BSN: variants seen among roughly 807,000 people sequenced by gnomAD.
BSN encodes the protein protein bassoon.
BSN carries 57 observed loss-of-function variants against 264.8 expected under a neutral mutation model. The ratio of observed to expected loss-of-function variants is 0.22; its 90% CI spans 0.17 to 0.27. The LOEUF is 0.27. Among genes scored for constraint, BSN ranks in the 10% least tolerant of loss-of-function variants. The probability of loss-of-function intolerance (pLI) is 1.00; values close to 1 mark genes in which losing one functional copy is unlikely to be tolerated. For synonymous variants in BSN, 2,059 were observed against 2,137.3 expected (o/e 0.96, Z 1.01); for missense variants, 4,615 against 5,232.5 (o/e 0.88, Z 3.64).
Position 49,661,876 on chromosome 3 carries a change from C to G in BSN, c.10031C>G (p.Pro3344Arg), listed in dbSNP as rs148768218. 6.2e-7 allele frequency: 1 copy of G among 1,613,552 alleles called. No homozygotes were observed. The highest frequency in any genetic ancestry group is 8.5e-7 in the Non-Finnish European group (1 of 1,180,046). ...YGPGPMGPKHPSKSLAPAAIS... is the reference protein window; with the variant it reads ...YGPGPMGPKHRSKSLAPAAIS... ...CCAGGGCCCATGGGGCCCAAGCATC[C>G]CTCCAAGAGCCTGGCTCCAGCTGCC... Residue 3344 changes from proline to arginine, a missense_variant, in exon 6 of 12, where the codon CCC becomes CGC. This residue lies in a region of BSN where 3,415 missense variants were observed against 3,866.4 expected (regional missense o/e 0.88). Transcript: ENST00000296452.
At position 49,664,511 on chromosome 3, in the gene BSN, C is replaced by T; in HGVS notation, c.11697C>T (p.Ile3899=). Residue 3899 remains isoleucine (I), a synonymous_variant, in exon 9 of 12, where the codon ATC becomes ATT. Coordinates refer to ENST00000296452, the MANE Select transcript of BSN (RefSeq NM_003458.4). ...GADGESVFSK[I]LPGGAAEQAG... ...ATGGGGAGAGCGTGTTCTCCAAGAT[C>T]CTCCCTGGCGGGGCAGCCGAGCAAG... is the stretch of plus-strand genomic sequence containing the variant. The T allele has an allele frequency of 6.2e-7, 1 of 1,612,042 alleles. No homozygotes were observed. Among genetic ancestry groups the T allele is most frequent in the South Asian group, 1.1e-5 (1 of 90,924 alleles).
intron 2 of BSN, among the ~76,000 whole-genome samples, chr3:49,634,330 T>C (rs2052405603): frequency 6.6e-6 from 1 of 152,204 alleles, no homozygotes; most frequent in African/African-American, 2.4e-5. Context: ...GCATTATGAA[T>C]ACAATACCAC....
rs1347312500 is a variant in BSN, at chr3:49,669,159, G to C, written c.*1674G>C. 6.6e-6 allele frequency: 1 copy of C among 152,560 alleles called. No individual in the cohort carries two copies. The highest frequency in any genetic ancestry group is 2.4e-5 in the African/African-American group (1 of 41,430). The allele number at this position is 152,560 out of a possible 1,614,324, so 9.5% of individuals were successfully genotyped here. ...GACCCTCTTGCTTGGAGTTCTTTTT[G>C]CCTCAGAACCTCTCCTTCAGGAGCA... On this transcript the variant is annotated 3_prime_UTR_variant, in exon 12 of 12. Transcript: ENST00000296452.
rs141750977 is a variant in BSN, at chr3:49,656,102, G to C, written c.6546G>C (p.Pro2182=). The change falls in exon 5 of 12, where the codon CCG becomes CCC. Residue 2182 remains proline, a synonymous_variant. Coordinates refer to ENST00000296452, the MANE Select transcript of BSN (RefSeq NM_003458.4). ...GAACAGCAGTCAGACAGCTGCTGCCGTCCACAGCCACTGTACGTGCAGCTG... is the reference window on the plus strand; with the variant it reads ...GAACAGCAGTCAGACAGCTGCTGCCCTCCACAGCCACTGTACGTGCAGCTG... ...GQGTAVRQLL[P]STATVRAADG... 6 of 1,612,188 alleles carry C rather than the reference G, an allele frequency of 3.7e-6. No homozygotes were observed. Among genetic ancestry groups the C allele is most frequent in the Non-Finnish European group, 5.1e-6 (6 of 1,179,836 alleles).
In BSN at chr3:49,656,290, C is replaced by T; in HGVS notation, c.6734C>T (p.Pro2245Leu). The change falls in exon 5 of 12, where the codon CCC (proline) becomes CTC (leucine). Residue 2245 changes from proline to leucine, a missense_variant. Physicochemically the swap from Pro to Leu is moderately conservative, Grantham distance 98. Around this residue, in one of 3 missense-constraint regions of BSN, gnomAD observed 3,415 missense variants for 3,866.4 expected, o/e 0.88. Transcript: ENST00000296452. ...AVPLTSLTRVPMIAPRVPLGP... is the reference protein window; with the variant it reads ...AVPLTSLTRVLMIAPRVPLGP... ...CCACTCACCAGTCTGACACGTGTGC[C>T]CATGATTGCCCCCCGGGTACCTCTT... 1.9e-6 allele frequency: 3 copies of T among 1,613,264 alleles called. No individual in the cohort carries two copies. Among genetic ancestry groups the T allele is most frequent in the Non-Finnish European group, 2.5e-6 (3 of 1,179,932 alleles).
intron 1 of BSN, among the ~76,000 whole-genome samples, chr3:49,592,462 A>C (rs2051985867): frequency 6.6e-6 from 1 of 150,798 alleles, no homozygotes; most frequent in African/African-American, 2.4e-5. Context: ...GTAAGAAATA[A>C]TACAGAGAGG....
In BSN at chr3:49,654,416, T is replaced by G; in HGVS notation, c.4860T>G (p.Ser1620Arg). 1.2e-6 allele frequency: 2 copies of G among 1,600,388 alleles called. No homozygotes were observed. Among genetic ancestry groups the G allele is most frequent in the Non-Finnish European group, 1.7e-6 (2 of 1,174,172 alleles). Reference sequence around the variant, plus strand: ...CACCTGGCTTTCCACGGGTGCCCAGTGCTGGTGCAGATGGGCCCCTGGCAC... The same window carrying G: ...CACCTGGCTTTCCACGGGTGCCCAGGGCTGGTGCAGATGGGCCCCTGGCAC... ...PGPPGFPRVP[S>R]AGADGPLALY... Residue 1620 changes from serine (S) to arginine (R), a missense_variant, in exon 5 of 12, where the codon AGT becomes AGG. Physicochemically the swap from Ser to Arg is moderately radical, Grantham distance 110. Coordinates refer to ENST00000296452, the MANE Select transcript of BSN (RefSeq NM_003458.4). This position sits in a 1 kb window ranked among gnomAD's most constrained non-coding sequence, Gnocchi z 4.1.
At position 49,655,524 on chromosome 3, in the gene BSN, G is replaced by T. The variant is rs770948024; in HGVS notation, c.5968G>T (p.Ala1990Ser). The change falls in exon 5 of 12, where the codon GCT becomes TCT. Residue 1990 changes from alanine to serine, a missense_variant. Around this residue, in one of 3 missense-constraint regions of BSN, gnomAD observed 3,415 missense variants for 3,866.4 expected, o/e 0.88. Coordinates refer to ENST00000296452, the MANE Select transcript of BSN (RefSeq NM_003458.4). The stretch of plus-strand genomic sequence containing the variant: ...CTCCTCCATGTCTGACACCAATTTG[G>T]CTGAGGCTGGCCTCAACTACCATGC... ...LYSSMSDTNLAEAGLNYHAQR... is the reference protein window; with the variant it reads ...LYSSMSDTNLSEAGLNYHAQR... 11 of 1,610,324 alleles carry T rather than the reference G, an allele frequency of 6.8e-6. No homozygotes were observed. The highest frequency in any genetic ancestry group is 1.3e-5 in the African/African-American group (1 of 74,884).
chr3:49,616,952 G>A (rs1424849906), intron 1 of BSN, among the ~76,000 whole-genome samples: 1 of 152,150 alleles, frequency 6.6e-6, no homozygotes, highest in African/African-American at 2.4e-5. Context: ...AATTTTCTCT[G>A]TTCCCGTTCC....
chr3:49,665,032 G>A (rs2052701965), intron 10 of BSN, among the ~76,000 whole-genome samples, 179 bp downstream of exon 10: 1 of 152,124 alleles, frequency 6.6e-6, no homozygotes, highest in Non-Finnish European at 1.5e-5. Flanking sequence ...GAGGGACACT[G>A]TGCACAGAGC....
intron 1 of BSN, among the ~76,000 whole-genome samples, chr3:49,567,471 G>A (rs11928090): frequency 0.74 from 112,261 of 152,128 alleles, 41,895 homozygotes; most frequent in East Asian, 0.99. Flanking sequence ...GATCTAGACC[G>A]GGCTCCAGGC....
At position 49,657,803 on chromosome 3, in the gene BSN, C is replaced by A. The variant is rs371660141; in HGVS notation, c.8247C>A (p.Ile2749=). 2 of 1,578,300 alleles carry A rather than the reference C, an allele frequency of 1.3e-6. No homozygotes were observed. Among genetic ancestry groups the A allele is most frequent in the Non-Finnish European group, 1.7e-6 (2 of 1,161,298 alleles). The part of the protein sequence containing the change: ...AISPYLPGIQ[I]VTPGPLGRFE... ...GCCCCTACCTGCCTGGCATCCAGAT[C>A]GTCACCCCAGGGCCTCTGGGCAGAT... is the stretch of plus-strand genomic sequence containing the variant. The change falls in exon 5 of 12, where the codon ATC becomes ATA. Residue 2749 remains isoleucine (I), a synonymous_variant. Coordinates refer to ENST00000296452, the MANE Select transcript of BSN (RefSeq NM_003458.4).
intron 1 of BSN, among the ~76,000 whole-genome samples, chr3:49,594,624 T>G (rs2108027182): frequency 6.6e-6 from 1 of 152,340 alleles, no homozygotes; most frequent in South Asian, 2.1e-4. Context: ...TCTCCCACTT[T>G]ATTCTTTTTT....
intron 1 of BSN, among the ~76,000 whole-genome samples, chr3:49,567,237 T>C (rs1228429390): frequency 6.6e-6 from 1 of 152,210 alleles, no homozygotes; most frequent in Non-Finnish European, 1.5e-5. Flanking sequence ...TATAGTTCTC[T>C]GTTTTAGAGT....
intron 1 of BSN, among the ~76,000 whole-genome samples, chr3:49,610,005 A>C (rs910155156): frequency 6.6e-6 from 1 of 152,208 alleles, no homozygotes; most frequent in Admixed American, 6.5e-5. Flanking sequence ...GCTCTGGGCC[A>C]GGCCCTGTGC....
intron 2 of BSN, among the ~76,000 whole-genome samples, chr3:49,630,026 A>G (rs1323494816): frequency 6.6e-6 from 1 of 152,194 alleles, no homozygotes. Flanking sequence ...AGTGGCTCCG[A>G]GCCTCTCTCT....
chr3:49,652,716 C>T lies in BSN; in HGVS notation c.3160C>T (p.Arg1054Cys), dbSNP rs1481894864. Residue 1054 changes from arginine (R) to cysteine (C), a missense_variant, in exon 5 of 12, where the codon CGT becomes TGT. Arg to Cys is a radical substitution (Grantham distance 180). Coordinates refer to ENST00000296452, the MANE Select transcript of BSN (RefSeq NM_003458.4). ...GCTGCGGGAGGAAGAGGAGCTGCTT[C>T]GTGAGCAAGAGAAGATGCGGGAGGT... ...EELREEEELL[R>C]EQEKMREVEQ... 8 of 1,567,884 alleles carry T rather than the reference C, an allele frequency of 5.1e-6. No homozygotes were observed. The highest frequency in any genetic ancestry group is 2.7e-5 in the African/African-American group (2 of 73,504).
In BSN at chr3:49,625,398, G is replaced by A. The variant is rs1180742233; in HGVS notation, c.633+15G>A. 9.6e-6 allele frequency: 14 copies of A among 1,455,720 alleles called. No homozygotes were observed. The highest frequency in any genetic ancestry group is 2.6e-5 in the Admixed American group (1 of 38,384). The allele number at this position is 1,455,720 out of a possible 1,614,324, so 90.2% of individuals were successfully genotyped here. ...ATCTCACCCAGGTAACCACTTCTGC[G>A]CCGGCTCCCCACTCACCTGCTACCT... On this transcript the variant is annotated intron_variant, in intron 2 of 11. Coordinates refer to ENST00000296452, the MANE Select transcript of BSN (RefSeq NM_003458.4). This position sits in a 1 kb window ranked among gnomAD's most constrained non-coding sequence, Gnocchi z 4.4.
At chr3:49,605,491 TTA>T (rs2052113809) in intron 1 of BSN, among the ~76,000 whole-genome samples, 2 of 7,666 alleles carry the variant, frequency 2.6e-4, no homozygotes, top group Non-Finnish European at 4.0e-4. Context: ...ATAATATATA[TTA>T]TATATAATAT....
Sources: allele counts gnomAD v4.1 joint callset (sites outside exome capture counted in the v4.1 genomes callset), GRCh38; gene constraint gnomAD v4.1.1; regional missense constraint gnomAD v4.1.1; non-coding constraint Gnocchi (gnomAD v3.1); transcripts MANE v1.5; gene names NCBI Gene and HGNC (gene_info 2026-07-23, HGNC 2026-07-21).